The following STXBP5L variants were observed in gnomAD, a reference collection of about 807,000 sequenced individuals.
STXBP5L encodes the protein syntaxin binding protein 5L.
A neutral mutation model predicts 144.5 loss-of-function variants in STXBP5L; 65 were observed. That is an observed-to-expected ratio of 0.45 (90% CI 0.37 to 0.55). The LOEUF (loss-of-function observed/expected upper bound fraction) is 0.55, where lower values mean the gene tolerates loss of function less well. STXBP5L is among the 20% of genes least tolerant of loss of function. The probability of loss-of-function intolerance (pLI) is 0.00; values close to 1 mark genes in which losing one functional copy is unlikely to be tolerated. For synonymous variants in STXBP5L, 505 were observed against 469.6 expected (o/e 1.08, Z -0.97); for missense variants, 1,298 against 1,405.5 (o/e 0.92, Z 1.22).
At chr3:121,375,923 T>C (rs548834983) in intron 20 of STXBP5L, among the ~76,000 whole-genome samples, 1 of 152,286 alleles carries the variant, frequency 6.6e-6, no homozygotes, top group South Asian at 2.1e-4. Flanking sequence ...TACGAGATGA[T>C]GTTTCAAATA....
chr3:121,196,224 A>G (rs1485674688), intron 9 of STXBP5L, among the ~76,000 whole-genome samples: 1 of 151,744 alleles, frequency 6.6e-6, no homozygotes, highest in East Asian at 1.9e-4. Flanking sequence ...CAGTGGCACA[A>G]TCTTGGCTCA....
chr3:121,016,391 A>T (rs1243643998), intron 3 of STXBP5L, among the ~76,000 whole-genome samples: 2 of 152,362 alleles, frequency 1.3e-5, no homozygotes, highest in African/African-American at 4.8e-5. Context: ...AAGATGACTA[A>T]TGAAAGCCTA....
At chr3:121,153,434 A>G (rs2046001539) in intron 8 of STXBP5L, among the ~76,000 whole-genome samples, 1 of 152,056 alleles carries the variant, frequency 6.6e-6, no homozygotes, top group Non-Finnish European at 1.5e-5. Flanking sequence ...TATGTCCAGT[A>G]AAACCTAATC....
intron 9 of STXBP5L, 136 bp downstream of exon 9, chr3:121,157,763 C>G: frequency 8.6e-7 from 1 of 1,159,452 alleles, no homozygotes; most frequent in Admixed American, 3.3e-5. Context: ...CCCTTTTATA[C>G]CACCTACAGA....
intron 14 of STXBP5L, 116 bp from the exon 15 acceptor site, chr3:121,250,607 A>G: frequency 1.2e-6 from 1 of 815,392 alleles, no homozygotes; most frequent in South Asian, 1.6e-5. Context: ...GTTTTCATTA[A>G]AGTGGTATTT....
Position 121,413,272 on chromosome 3 carries a change from T to G in STXBP5L, c.3063T>G (p.Pro1021=). 1 of 1,602,886 alleles carries G rather than the reference T, an allele frequency of 6.2e-7. No homozygotes were observed. ...NEGQALYLVS[P]TEIQRLTYSQ... ...GACAGGCATTATACCTCGTCTCTCC[T>G]ACTGAAATTCAGCGGTTAACATACA... is the stretch of plus-strand genomic sequence containing the variant. Residue 1021 remains proline, a synonymous_variant, in exon 24 of 27, where the codon CCT becomes CCG. Transcript: ENST00000471454.
chr3:120,966,897 G>T (rs1263665678), intron 3 of STXBP5L, among the ~76,000 whole-genome samples: 2 of 152,176 alleles, frequency 1.3e-5, no homozygotes, highest in East Asian at 1.9e-4. Context: ...GCTATACCCT[G>T]CCCAGAGAGT....
chr3:120,931,297 A>T (rs1230417480), intron 2 of STXBP5L, among the ~76,000 whole-genome samples: 1 of 152,160 alleles, frequency 6.6e-6, no homozygotes, highest in African/African-American at 2.4e-5. Context: ...GCTACATAAT[A>T]GGTAAAGAAG....
intron 7 of STXBP5L, among the ~76,000 whole-genome samples, chr3:121,143,058 A>T (rs1241578478): frequency 6.6e-6 from 1 of 151,896 alleles, no homozygotes; most frequent in African/African-American, 2.4e-5. Context: ...AGAAATAAGG[A>T]TCATAAGAGA....
At chr3:121,029,473 G>A (rs1458878092) in intron 3 of STXBP5L, among the ~76,000 whole-genome samples, 6 of 152,128 alleles carry the variant, frequency 3.9e-5, no homozygotes, top group East Asian at 1.9e-4. Context: ...AAACTGGCTA[G>A]CCATATGCAG....
intron 20 of STXBP5L, among the ~76,000 whole-genome samples, chr3:121,339,947 G>A (rs557956447): frequency 6.6e-6 from 1 of 152,062 alleles, no homozygotes; most frequent in South Asian, 2.1e-4. Flanking sequence ...TCATGGATTG[G>A]AAGAATCAGT....
intron 6 of STXBP5L, 36 bp from the exon 7 acceptor site, chr3:121,121,605 T>A: frequency 6.7e-7 from 1 of 1,494,778 alleles, no homozygotes; most frequent in Non-Finnish European, 9.3e-7. Context: ...ATTTTAATGT[T>A]TGGTTTTTAA....
chr3:120,910,276 T>G (rs1160547030), intron 2 of STXBP5L, among the ~76,000 whole-genome samples: 1 of 152,182 alleles, frequency 6.6e-6, no homozygotes, highest in Non-Finnish European at 1.5e-5. Flanking sequence ...AACAGACAAA[T>G]GCACAGGCTT....
chr3:121,395,485 T>G (rs61796944), intron 22 of STXBP5L, among the ~76,000 whole-genome samples: 12,401 of 152,210 alleles, frequency 0.081, 627 homozygotes, highest in Admixed American at 0.12. Context: ...TAATAAAATA[T>G]TCTTGCATTT....
At position 120,913,738 on chromosome 3, in the gene STXBP5L, C is replaced by A. The variant is rs767199582; in HGVS notation, c.189+3971C>A. On this transcript the variant is annotated intron_variant, in intron 2 of 26. Coordinates refer to ENST00000471454, the MANE Select transcript of STXBP5L (RefSeq NM_001308330.2). ...GAAATTACATGCTTTTGAAGCAAAC[C>A]AAGTGTCAAGTCCTTCTAGATTATA... Among the ~76,000 whole-genome samples, 6 of 151,828 alleles carry A rather than the reference C, an allele frequency of 4.0e-5. No homozygotes were observed. The South Asian group carries it at 8.3e-4, about 21-fold the overall frequency.
chr3:121,392,507 C>T (rs1320220335), intron 22 of STXBP5L, among the ~76,000 whole-genome samples: 2 of 152,124 alleles, frequency 1.3e-5, no homozygotes, highest in African/African-American at 2.4e-5. Context: ...AGCTGCAGAC[C>T]AGAGCTGTTC....
chr3:121,118,056 T>C (rs1385059479), intron 6 of STXBP5L, among the ~76,000 whole-genome samples: 1 of 151,734 alleles, frequency 6.6e-6, no homozygotes, highest in African/African-American at 2.4e-5. Flanking sequence ...AATCAAATCA[T>C]AAAAGTGTAA....
chr3:121,306,455 G>A (rs139834568), intron 19 of STXBP5L, among the ~76,000 whole-genome samples: 2 of 152,222 alleles, frequency 1.3e-5, no homozygotes, highest in Non-Finnish European at 2.9e-5. Flanking sequence ...TAGGGCAGAA[G>A]TTTTATGCTT....
At chr3:121,362,238 A>T (rs2045732593) in intron 20 of STXBP5L, among the ~76,000 whole-genome samples, 1 of 152,208 alleles carries the variant, frequency 6.6e-6, no homozygotes, top group African/African-American at 2.4e-5. Flanking sequence ...TCAGACCTAA[A>T]TTTAGTGTAG....
Sources: allele counts gnomAD v4.1 joint callset (sites outside exome capture counted in the v4.1 genomes callset), GRCh38; gene constraint gnomAD v4.1.1; transcripts MANE v1.5; gene names NCBI Gene and HGNC (gene_info 2026-07-23, HGNC 2026-07-21).